POLA1: variants seen among roughly 807,000 people sequenced by gnomAD.
POLA1 encodes the protein DNA polymerase alpha catalytic subunit.
In POLA1, 15 loss-of-function variants were observed where a neutral mutation model predicts 124.0. The ratio of observed to expected loss-of-function variants is 0.12; its 90% CI spans 0.08 to 0.19. The LOEUF (loss-of-function observed/expected upper bound fraction) is 0.19, where lower values mean the gene tolerates loss of function less well. Ranked by LOEUF, POLA1 falls within the 10% of genes least tolerant of loss-of-function variation. The pLI is 1.00. For missense variants in POLA1, 886 were observed against 1,103.4 expected (o/e 0.80, Z 2.79); for synonymous variants, 408 against 389.4 (o/e 1.05, Z -0.56).
At chrX:24,871,418 C>T (rs1383581002) in intron 34 of POLA1, among the ~76,000 whole-genome samples, 1 of 111,549 alleles carries the variant, frequency 9.0e-6, no homozygotes, top group Non-Finnish European at 1.9e-5. Context: ...CATTCACCGA[C>T]ATATATTACT....
chrX:24,730,653 A>G lies in POLA1; in HGVS notation c.1687-1717A>G, dbSNP rs188044318. 3.6e-5 allele frequency among the ~76,000 whole-genome samples: 4 copies of G among 112,629 alleles called. No individual in the cohort carries two copies. The East Asian group carries it at 8.3e-4, about 24-fold the overall frequency. ...TCTTATTATACCAGAAAGCAACGAC[A>G]GTATTAAAATCTACTGAAGATATGT... is the stretch of plus-strand genomic sequence containing the variant. On this transcript the variant is annotated intron_variant, in intron 15 of 36. Coordinates refer to ENST00000379068, the MANE Select transcript of POLA1 (RefSeq NM_001330360.2).
rs1478558913 is a variant in POLA1, at chrX:24,993,557, G to A, written c.4262-2248G>A. ...TGTATTTTCCCTTGAGTTCTAAAGT[G>A]GTGGATATAGTATTGACAGAAACAG... is the stretch of plus-strand genomic sequence containing the variant. On this transcript the variant is annotated intron_variant, in intron 36 of 36. Coordinates refer to ENST00000379068, the MANE Select transcript of POLA1 (RefSeq NM_001330360.2). Among the ~76,000 whole-genome samples the A allele has an allele frequency of 3.3e-4, 37 of 111,902 alleles. 1 individual carries two copies. The Admixed American group carries it at 3.5e-3, about 11-fold the overall frequency.
chrX:24,723,749 C>G (rs186445309), intron 11 of POLA1, among the ~76,000 whole-genome samples: 4 of 112,450 alleles, frequency 3.6e-5, no homozygotes, highest in East Asian at 2.8e-4. Flanking sequence ...GGCACAATCT[C>G]GGCTCACTGC....
At chrX:24,694,530 T>C (rs1927842708) in intron 1 of POLA1, among the ~76,000 whole-genome samples, 1 of 112,474 alleles carries the variant, frequency 8.9e-6, no homozygotes, top group South Asian at 3.7e-4. Context: ...ACAATTTTTC[T>C]TTCAGATTCT....
At chrX:24,855,414 T>G (rs1231596071) in intron 34 of POLA1, among the ~76,000 whole-genome samples, 1 of 111,846 alleles carries the variant, frequency 8.9e-6, no homozygotes, top group Non-Finnish European at 1.9e-5. Flanking sequence ...GGCATGATCT[T>G]CCATCTGCGA....
At position 24,826,442 on chromosome X, in the gene POLA1, A is replaced by C. The variant is rs766140989; in HGVS notation, c.3577A>C (p.Thr1193Pro). Residue 1193 changes from threonine (T) to proline (P), a missense_variant, in exon 32 of 37, where the codon ACT (threonine) becomes CCT (proline). This residue lies in a region of POLA1 where 313 missense variants were observed against 359.7 expected (regional missense o/e 0.87). Transcript: ENST00000379068. ...CTTCTTTTAGGATGGATCAAACCTC[A>C]CTGCAAGTCAGAGGGCCTATGCGCC... ...YVICQDGSNLTASQRAYAPEQ... is the reference protein window; with the variant it reads ...YVICQDGSNLPASQRAYAPEQ... 10 of 1,200,768 alleles carry C rather than the reference A, an allele frequency of 8.3e-6. No individual in the cohort carries two copies. The South Asian group carries it at 1.6e-4, about 20-fold the overall frequency.
chrX:24,885,543 C>CT (rs1040864341), intron 34 of POLA1, among the ~76,000 whole-genome samples: 29 of 109,776 alleles, frequency 2.6e-4, no homozygotes, highest in Non-Finnish European at 4.0e-4. Context: ...CTCCTTCTCT[C>CT]TTTTTTTTTG....
intron 36 of POLA1, among the ~76,000 whole-genome samples, chrX:24,946,832 TC>T (rs1450321079): frequency 8.9e-6 from 1 of 112,181 alleles, no homozygotes; most frequent in Admixed American, 9.5e-5. Flanking sequence ...TAGAGCACTT[TC>T]TGACTCCATC....
intron 26 of POLA1, among the ~76,000 whole-genome samples, chrX:24,783,655 G>A (rs1048135971): frequency 6.3e-5 from 7 of 110,908 alleles, no homozygotes; most frequent in African/African-American, 2.3e-4. Flanking sequence ...TTTTTTTTAA[G>A]CTAATAAAAA....
intron 4 of POLA1, among the ~76,000 whole-genome samples, chrX:24,708,435 G>T (rs1928969079): frequency 1.3e-5 from 1 of 78,915 alleles, no homozygotes; most frequent in African/African-American, 4.7e-5. Flanking sequence ...TCTCACAGAG[G>T]GGGATTTGGC....
chrX:24,744,289 G>A (rs777896199), intron 23 of POLA1, among the ~76,000 whole-genome samples: 1 of 112,070 alleles, frequency 8.9e-6, no homozygotes, highest in East Asian at 2.8e-4. Flanking sequence ...TGTGATCTTG[G>A]GCTGCCTGTT....
At chrX:24,787,897 G>A in intron 26 of POLA1, among the ~76,000 whole-genome samples, 1 of 111,725 alleles carries the variant, frequency 9.0e-6, no homozygotes, top group Admixed American at 9.5e-5. Flanking sequence ...GCCAGATAAG[G>A]ATGCTACAAG....
At chrX:24,790,911 G>GTATATATATATATATATA (rs56343314) in intron 26 of POLA1, among the ~76,000 whole-genome samples, 10 of 78,274 alleles carry the variant, frequency 1.3e-4, no homozygotes, top group African/African-American at 2.6e-4. Flanking sequence ...TTATGTATAT[G>GTATATATATATATATATA]TATATATATA....
In POLA1 at chrX:24,826,410, A is replaced by G; in HGVS notation, c.3562-17A>G. The G allele has an allele frequency of 2.6e-6, 3 of 1,154,692 alleles. No homozygotes were observed. Among genetic ancestry groups the G allele is most frequent in the Non-Finnish European group, 3.5e-6 (3 of 860,382 alleles). ...GTGTCTTCTTTTTACGTGTCTTTTT[A>G]TCATATCTTCTTTTAGGATGGATCA... On this transcript the variant is annotated splice_polypyrimidine_tract_variant and intron_variant, in intron 31 of 36. Coordinates refer to ENST00000379068, the MANE Select transcript of POLA1 (RefSeq NM_001330360.2).
At chrX:24,989,428 G>T (rs1436009096) in intron 36 of POLA1, among the ~76,000 whole-genome samples, 1 of 109,633 alleles carries the variant, frequency 9.1e-6, no homozygotes, top group Non-Finnish European at 1.9e-5. Context: ...AAGATTTTTA[G>T]ATTTTTTTTT....
intron 34 of POLA1, among the ~76,000 whole-genome samples, chrX:24,849,377 C>T (rs2046519282): frequency 8.9e-6 from 1 of 112,582 alleles, no homozygotes; most frequent in African/African-American, 3.2e-5. Context: ...TTTATTTTCG[C>T]TTCATAGTAT....
At chrX:24,785,268 A>G (rs1034694376) in intron 26 of POLA1, among the ~76,000 whole-genome samples, 2 of 112,277 alleles carry the variant, frequency 1.8e-5, no homozygotes, top group African/African-American at 3.2e-5. Flanking sequence ...AGGATGTAGT[A>G]TCCTATAATA....
At position 24,888,084 on chromosome X, in the gene POLA1, CTT is replaced by C; in HGVS notation, c.4128_4129del (p.Cys1377ProfsTer14). On this transcript the variant is annotated frameshift_variant, in exon 35 of 37. Transcript: ENST00000379068. LOFTEE classifies it high-confidence loss of function. ...CCTTCAATTCTCCCGAACTGGGCCT[CTT>C]TGCCCAGCCTGCATGAAAGCTACAC... ...LPLQFSRTGPLCPACMKATLQ... is the reference protein window; with the variant it reads ...LPLQFSRTGPXCPACMKATLQ... 1 of 1,198,183 alleles carries C rather than the reference CTT, an allele frequency of 8.3e-7. No individual in the cohort carries two copies.
chrX:24,884,357 G>A (rs1455101639), intron 34 of POLA1, among the ~76,000 whole-genome samples: 3 of 110,785 alleles, frequency 2.7e-5, no homozygotes, highest in Non-Finnish European at 3.8e-5. Flanking sequence ...CCATGTTGCC[G>A]ACGCTGGTCT....
Sources: gnomAD v4.1 joint callset for allele counts (sites outside exome capture counted in the v4.1 genomes callset) on GRCh38, gnomAD v4.1.1 for gene constraint, gnomAD v4.1.1 regional missense constraint, MANE v1.5 for transcripts, NCBI Gene and HGNC (gene_info 2026-07-23, HGNC 2026-07-21) for gene names.